GABRA2: variants seen among roughly 807,000 people sequenced by gnomAD.
The protein encoded by GABRA2 is gamma-aminobutyric acid receptor subunit alpha-2.
GABRA2 carries 16 observed loss-of-function variants against 48.7 expected under a neutral mutation model. The ratio of observed to expected loss-of-function variants is 0.33; its 90% confidence interval spans 0.22 to 0.50. GABRA2 has a LOEUF of 0.50. GABRA2 is among the 20% of genes least tolerant of loss of function. GABRA2 has a pLI of 0.98. For missense variants in GABRA2, 275 were observed against 535.6 expected (o/e 0.51, Z 4.80); for synonymous variants, 185 against 184.5 (o/e 1.00, Z -0.02).
At chr4:46,345,895 AGATTTT>A (rs1241570499) in intron 3 of GABRA2, among the ~76,000 whole-genome samples, 3 of 152,024 alleles carry the variant, frequency 2.0e-5, no homozygotes, top group Non-Finnish European at 4.4e-5. Flanking sequence ...CCTGTAATTT[AGATTTT>A]AACAGTGATA....
chr4:46,390,185 GC>G (rs1293559874), upstream of GABRA2: 21 of 87,944 alleles, frequency 2.4e-4, no homozygotes, highest in East Asian at 2.6e-3. Context: ...GGAAGGCAGG[GC>G]CCCCCCTCCC....
chr4:46,283,146 T>C (rs1721857035), intron 8 of GABRA2, among the ~76,000 whole-genome samples: 1 of 152,186 alleles, frequency 6.6e-6, no homozygotes, highest in African/African-American at 2.4e-5. Context: ...AAACTGAATT[T>C]ATTTAAGAAT....
At chr4:46,251,145 CAA>C (rs2109377591) in intron 9 of GABRA2, among the ~76,000 whole-genome samples, 1 of 151,522 alleles carries the variant, frequency 6.6e-6, no homozygotes, top group South Asian at 2.1e-4. Flanking sequence ...GAATAAAATA[CAA>C]AGTCTTGGAT....
At chr4:46,336,176 C>A (rs1010011814) in intron 3 of GABRA2, among the ~76,000 whole-genome samples, 5 of 152,132 alleles carry the variant, frequency 3.3e-5, no homozygotes, top group African/African-American at 4.8e-5. Context: ...CAAATTATTT[C>A]TCATTTTAAT....
At chr4:46,275,182 A>C (rs1248702983) in intron 8 of GABRA2, among the ~76,000 whole-genome samples, 1 of 152,066 alleles carries the variant, frequency 6.6e-6, no homozygotes, top group Non-Finnish European at 1.5e-5. Flanking sequence ...CCATCATCTT[A>C]ATGACCAAAC....
intron 8 of GABRA2, among the ~76,000 whole-genome samples, chr4:46,276,713 T>C (rs73244124): frequency 0.011 from 1,671 of 152,176 alleles, 14 homozygotes; most frequent in Middle Eastern, 0.031. Context: ...GCTGACCTGC[T>C]GTTTGATAAT....
intron 3 of GABRA2, chr4:46,368,291 T>C (rs1714359444): frequency 6.6e-6 from 1 of 152,048 alleles, no homozygotes; most frequent in African/African-American, 2.4e-5. Flanking sequence ...CTCAGAACAA[T>C]GGGGGACAGA....
chr4:46,333,910 A>G (rs1731777038), intron 3 of GABRA2, among the ~76,000 whole-genome samples: 1 of 152,144 alleles, frequency 6.6e-6, no homozygotes, highest in African/African-American at 2.4e-5. Flanking sequence ...ACCATAGTCA[A>G]TTATAAACTT....
chr4:46,256,013 A>G lies in GABRA2; in HGVS notation c.1060-5409T>C, dbSNP rs143971292. 5.9e-5 allele frequency among the ~76,000 whole-genome samples: 9 copies of G among 151,642 alleles called. No homozygotes were observed. The East Asian group carries it at 1.8e-3, about 30-fold the overall frequency. On this transcript the variant is annotated intron_variant, in intron 9 of 9. Transcript: ENST00000381620. ...AAACACTAAATATAATAGGCTTTGG[A>G]GAAAAAAATCAGGTCTCCAAAGGGC...
intron 8 of GABRA2, among the ~76,000 whole-genome samples, chr4:46,275,160 G>T (rs1720239492): frequency 6.6e-6 from 1 of 151,872 alleles, no homozygotes; most frequent in Non-Finnish European, 1.5e-5. Context: ...CCTATTTCTG[G>T]TCTCATTAAA....
intron 8 of GABRA2, among the ~76,000 whole-genome samples, chr4:46,264,456 C>A (rs1717695509): frequency 1.3e-5 from 2 of 151,868 alleles, no homozygotes. Flanking sequence ...CATTTTTTTT[C>A]ACTTTCCATA....
chr4:46,347,593 C>A (rs1017479075), intron 3 of GABRA2, among the ~76,000 whole-genome samples: 1 of 151,868 alleles, frequency 6.6e-6, no homozygotes, highest in Non-Finnish European at 1.5e-5. Flanking sequence ...AGAATCCACC[C>A]ACAATTGATT....
intron 9 of GABRA2, among the ~76,000 whole-genome samples, chr4:46,251,806 T>A (rs1382041761): frequency 2.0e-5 from 3 of 151,528 alleles, no homozygotes; most frequent in African/African-American, 7.3e-5. Flanking sequence ...TGCTTCTGTC[T>A]TGTTCACCTT....
chr4:46,308,152 A>T lies in GABRA2; in HGVS notation c.559+2021T>A, dbSNP rs182024389. Among the ~76,000 whole-genome samples, 744 of 152,260 alleles carry T rather than the reference A, an allele frequency of 4.9e-3. 3 individuals are homozygous for T. Among genetic ancestry groups the T allele is most frequent in the Admixed American group, 8.1e-3 (123 of 15,272 alleles). On this transcript the variant is annotated intron_variant, in intron 6 of 9. Transcript: ENST00000381620. ...AATTATTTTTAGCTGTCAATTTTTAATCTGAAAGACAATTTACAGCTTCTT... is the reference window on the plus strand; with the variant it reads ...AATTATTTTTAGCTGTCAATTTTTATTCTGAAAGACAATTTACAGCTTCTT...
At chr4:46,325,986 G>C (rs1730303762) in intron 4 of GABRA2, among the ~76,000 whole-genome samples, 2 of 151,990 alleles carry the variant, frequency 1.3e-5, no homozygotes, top group Non-Finnish European at 2.9e-5. Flanking sequence ...TTGTAGGGTA[G>C]TTTGAATCAG....
chr4:46,281,052 T>C (rs1456932211), intron 8 of GABRA2, among the ~76,000 whole-genome samples: 1 of 152,198 alleles, frequency 6.6e-6, no homozygotes, highest in East Asian at 1.9e-4. Context: ...ATCTATGGTA[T>C]TTTTTAATAG....
intron 3 of GABRA2, among the ~76,000 whole-genome samples, chr4:46,338,449 T>A (rs1262589853): frequency 2.0e-5 from 3 of 151,974 alleles, no homozygotes; most frequent in Non-Finnish European, 4.4e-5. Context: ...TTTAGGTTAT[T>A]GCATTAGCCA....
At chr4:46,257,219 G>A (rs1716013402) in intron 9 of GABRA2, among the ~76,000 whole-genome samples, 1 of 151,670 alleles carries the variant, frequency 6.6e-6, no homozygotes, top group Non-Finnish European at 1.5e-5. Context: ...TTTGGGGAAT[G>A]AGAGGAGTTA....
intron 3 of GABRA2, 116 bp downstream of exon 3, chr4:46,385,957 AT>A: frequency 3.2e-6 from 2 of 629,118 alleles, no homozygotes; most frequent in Non-Finnish European, 5.5e-6. Flanking sequence ...TCTATTTTCT[AT>A]AATTTTATAT....
Sources: gnomAD v4.1 joint callset for allele counts (sites outside exome capture counted in the v4.1 genomes callset) on GRCh38, gnomAD v4.1.1 for gene constraint, MANE v1.5 for transcripts, NCBI Gene and HGNC (gene_info 2026-07-23, HGNC 2026-07-21) for gene names.